AGBL1: variants seen among roughly 807,000 people sequenced by gnomAD.
The protein encoded by AGBL1 is AGBL carboxypeptidase 1.
A neutral mutation model predicts 118.9 loss-of-function variants in AGBL1; 130 were observed. That is an observed-to-expected ratio of 1.09 (90% confidence interval 0.95 to 1.26). The LOEUF (loss-of-function observed/expected upper bound fraction) is 1.26. AGBL1 is among the 50% of genes most tolerant of loss of function. The pLI is 0.00. For synonymous variants in AGBL1, 555 were observed against 478.9 expected (o/e 1.16, Z -2.08); for missense variants, 1,584 against 1,298.1 (o/e 1.22, Z -3.38).
intron 22 of AGBL1, among the ~76,000 whole-genome samples, chr15:86,779,487 G>A (rs1049845909): frequency 6.6e-6 from 1 of 152,132 alleles, no homozygotes; most frequent in Non-Finnish European, 1.5e-5. Context: ...TCTAGTGGGG[G>A]ACCATTATAA....
At chr15:86,897,734 C>A (rs2080148868) in intron 22 of AGBL1, among the ~76,000 whole-genome samples, 2 of 134,106 alleles carry the variant, frequency 1.5e-5, no homozygotes, top group African/African-American at 2.7e-5. Context: ...TTTTCTTGAA[C>A]TATGATAATT....
chr15:86,276,602 A>C (rs1393204367), intron 15 of AGBL1, among the ~76,000 whole-genome samples: 1 of 152,228 alleles, frequency 6.6e-6, no homozygotes, highest in Non-Finnish European at 1.5e-5. Flanking sequence ...GGTCCTTGCC[A>C]TAAAGTATTG....
chr15:86,332,671 C>G (rs1241289643), intron 17 of AGBL1, among the ~76,000 whole-genome samples: 5 of 148,888 alleles, frequency 3.4e-5, no homozygotes, highest in Non-Finnish European at 7.4e-5. Context: ...AAAAGAAATT[C>G]TGGACTCAAA....
chr15:86,859,007 A>C (rs1245375334), intron 22 of AGBL1, among the ~76,000 whole-genome samples: 1 of 152,170 alleles, frequency 6.6e-6, no homozygotes, highest in African/African-American at 2.4e-5. Context: ...TACCTTCCAA[A>C]TGGTAGGACA....
intron 22 of AGBL1, among the ~76,000 whole-genome samples, chr15:86,813,057 G>A (rs1305342842): frequency 6.6e-6 from 1 of 152,064 alleles, no homozygotes; most frequent in Admixed American, 6.6e-5. Flanking sequence ...AGTGGAAATG[G>A]AGAGCAGGTA....
chr15:86,116,951 C>CT (rs35297740), intron 1 of AGBL1, among the ~76,000 whole-genome samples: 23,004 of 139,578 alleles, frequency 0.16, 2,032 homozygotes, highest in South Asian at 0.24. Flanking sequence ...CTTTTCTTTT[C>CT]TTTTTTTTTT....
intron 22 of AGBL1, among the ~76,000 whole-genome samples, chr15:86,686,408 AACTG>A (rs1048060570): frequency 2.0e-5 from 3 of 151,764 alleles, no homozygotes; most frequent in Non-Finnish European, 4.4e-5. Flanking sequence ...TGATAATAGT[AACTG>A]ATGTTTATTG....
intron 18 of AGBL1, among the ~76,000 whole-genome samples, chr15:86,476,093 A>G (rs970178512): frequency 6.6e-6 from 1 of 152,340 alleles, no homozygotes; most frequent in South Asian, 2.1e-4. Flanking sequence ...CTAAATATGG[A>G]AAGGAACAAC....
intron 22 of AGBL1, among the ~76,000 whole-genome samples, chr15:86,899,621 A>G (rs1045138307): frequency 6.6e-6 from 1 of 152,088 alleles, no homozygotes; most frequent in African/African-American, 2.4e-5. Flanking sequence ...ATATATATTT[A>G]TTGGGTATAT....
At chr15:86,741,037 T>A (rs749947564) in intron 22 of AGBL1, among the ~76,000 whole-genome samples, 1 of 151,946 alleles carries the variant, frequency 6.6e-6, no homozygotes, top group Non-Finnish European at 1.5e-5. Context: ...GGGAGCACAC[T>A]CAAATGGCAG....
At chr15:86,734,471 A>G (rs28543012) in intron 22 of AGBL1, among the ~76,000 whole-genome samples, 34,459 of 151,944 alleles carry the variant, frequency 0.23, 5,130 homozygotes, top group African/African-American at 0.42. Context: ...TGATGAATAA[A>G]GAGATTTAAG....
rs1413586441 is a variant in AGBL1, at chr15:86,657,323, CA to C, written c.2995-16948del. Among the ~76,000 whole-genome samples, 15 of 152,328 alleles carry C rather than the reference CA, an allele frequency of 9.8e-5. No individual in the cohort carries two copies. In the East Asian group the frequency reaches 2.5e-3, roughly 26 times the overall value. On this transcript the variant is annotated intron_variant, in intron 21 of 22. Coordinates refer to ENST00000614907, the MANE Select transcript of AGBL1 (RefSeq NM_001386094.1). Reference sequence around the variant, plus strand: ...GCTCGTTTCCTCCTGCTCCTTGACACAAGCTTTCCTCACTTCATGAGAGTTT... The same window carrying C: ...GCTCGTTTCCTCCTGCTCCTTGACACAGCTTTCCTCACTTCATGAGAGTTT...
chr15:86,958,206 T>TAAAAA (rs545565434), intron 23 of AGBL1, among the ~76,000 whole-genome samples: 2 of 125,188 alleles, frequency 1.6e-5, no homozygotes, highest in African/African-American at 3.0e-5. Context: ...TCTTGTTTCT[T>TAAAAA]AAAAAAAAAA....
intron 17 of AGBL1, among the ~76,000 whole-genome samples, chr15:86,304,139 A>G (rs919012307): frequency 2.0e-5 from 3 of 152,166 alleles, no homozygotes; most frequent in Non-Finnish European, 4.4e-5. Context: ...GGTCATTTAA[A>G]CACTAATAAC....
Position 86,583,260 on chromosome 15 carries a change from C to G in AGBL1, c.2994+28723C>G, listed in dbSNP as rs532994284. Reference sequence around the variant, plus strand: ...GTTTGGGGTACAATTCCTCCTGCCACCAAGGTACTGGTACCTAAAATTAGC... The same window carrying G: ...GTTTGGGGTACAATTCCTCCTGCCAGCAAGGTACTGGTACCTAAAATTAGC... On this transcript the variant is annotated intron_variant, in intron 21 of 22. Transcript: ENST00000614907. Among the ~76,000 whole-genome samples, 4 of 152,020 alleles carry G rather than the reference C, an allele frequency of 2.6e-5. No individual in the cohort carries two copies. In the East Asian group the frequency reaches 7.7e-4, roughly 29 times the overall value.
intron 22 of AGBL1, among the ~76,000 whole-genome samples, chr15:86,825,231 C>T (rs555535726): frequency 2.3e-4 from 35 of 151,858 alleles, no homozygotes; most frequent in African/African-American, 7.5e-4. Flanking sequence ...TGACCTACAA[C>T]TCACACCTTA....
chr15:86,816,401 A>G (rs1439806639), intron 22 of AGBL1, among the ~76,000 whole-genome samples: 3 of 152,206 alleles, frequency 2.0e-5, no homozygotes, highest in Non-Finnish European at 4.4e-5. Flanking sequence ...CAGTGCCAAG[A>G]TTCTTTAATG....
At chr15:86,482,046 C>CA (rs1440419654) in intron 18 of AGBL1, among the ~76,000 whole-genome samples, 2 of 152,140 alleles carry the variant, frequency 1.3e-5, no homozygotes, top group Non-Finnish European at 2.9e-5. Context: ...CAGCCTTACT[C>CA]ATCGTTCACA....
intron 24 of AGBL1, chr15:86,988,399 C>T: frequency 5.0e-6 from 1 of 201,236 alleles, no homozygotes; most frequent in Non-Finnish European, 9.9e-6. Flanking sequence ...AGTAAATATA[C>T]ACCAAGGTTT....
Sources: gnomAD v4.1 joint callset for allele counts (sites outside exome capture counted in the v4.1 genomes callset) on GRCh38, gnomAD v4.1.1 for gene constraint, MANE v1.5 for transcripts, NCBI Gene and HGNC (gene_info 2026-07-23, HGNC 2026-07-21) for gene names.